Variants in ROBO2 observed in about 807,000 individuals in gnomAD.
The protein encoded by ROBO2 is roundabout guidance receptor 2.
Under a neutral mutation model 160.8 loss-of-function variants are expected in ROBO2, and 53 were observed. That is an observed-to-expected ratio of 0.33 (90% CI 0.26 to 0.41). ROBO2 has a LOEUF of 0.41. Among genes scored for constraint, ROBO2 ranks in the 10% least tolerant of loss-of-function variants. The probability of loss-of-function intolerance (pLI) is 1.00; values close to 1 mark genes in which losing one functional copy is unlikely to be tolerated. For missense variants in ROBO2, 1,577 were observed against 1,722.4 expected (o/e 0.92, Z 1.49); for synonymous variants, 664 against 611.7 (o/e 1.09, Z -1.26).
intron 2 of ROBO2, among the ~76,000 whole-genome samples, chr3:76,273,046 TTA>T (rs1314535603): frequency 4.0e-5 from 4 of 100,284 alleles, no homozygotes; most frequent in Non-Finnish European, 5.6e-5. Context: ...AAAATATATA[TTA>T]TATAAATATA....
At chr3:76,579,126 A>G (rs2085492539) in intron 2 of ROBO2, among the ~76,000 whole-genome samples, 1 of 152,116 alleles carries the variant, frequency 6.6e-6, no homozygotes, top group South Asian at 2.1e-4. Flanking sequence ...ATATTCTGCT[A>G]CTAACTCCCT....
intron 2 of ROBO2, among the ~76,000 whole-genome samples, chr3:76,181,408 T>C (rs1446454590): frequency 6.6e-6 from 1 of 152,130 alleles, no homozygotes; most frequent in African/African-American, 2.4e-5. Context: ...AATGAGTCGA[T>C]TCAGCAGATT....
chr3:77,008,348 T>C (rs566356162), intron 2 of ROBO2, among the ~76,000 whole-genome samples: 18 of 152,106 alleles, frequency 1.2e-4, no homozygotes, highest in South Asian at 4.1e-4. Flanking sequence ...AAAATGTTGG[T>C]TTTTTCTAAG....
At chr3:76,046,583 G>C (rs1348971737) in intron 2 of ROBO2, among the ~76,000 whole-genome samples, 2 of 151,944 alleles carry the variant, frequency 1.3e-5, no homozygotes, top group African/African-American at 4.9e-5. Context: ...GGGAGGCGGA[G>C]CTTGCAGTGA....
chr3:76,544,379 C>A (rs1205805399), intron 2 of ROBO2, among the ~76,000 whole-genome samples: 1 of 151,902 alleles, frequency 6.6e-6, no homozygotes, highest in African/African-American at 2.4e-5. Context: ...TTTTGAAAGT[C>A]AAAAATAATT....
chr3:77,631,994 A>G (rs2153713574), intron 23 of ROBO2: 1 of 152,264 alleles, frequency 6.6e-6, no homozygotes, highest in East Asian at 1.9e-4. Flanking sequence ...AAATTTTAAA[A>G]TCTTGAAATA....
At chr3:76,425,305 A>G (rs1011458298) in intron 2 of ROBO2, among the ~76,000 whole-genome samples, 1 of 152,096 alleles carries the variant, frequency 6.6e-6, no homozygotes, top group Non-Finnish European at 1.5e-5. Flanking sequence ...GGACCTGGAT[A>G]TACTAAAGTT....
chr3:77,494,274 T>A (rs929751267), intron 5 of ROBO2, among the ~76,000 whole-genome samples: 1 of 152,064 alleles, frequency 6.6e-6, no homozygotes, highest in Admixed American at 6.6e-5. Flanking sequence ...TAATTTTTCT[T>A]TTTTTTAAAA....
At chr3:77,593,205 T>C (rs2094218530) in intron 17 of ROBO2, among the ~76,000 whole-genome samples, 1 of 125,850 alleles carries the variant, frequency 7.9e-6, no homozygotes, top group South Asian at 2.7e-4. Context: ...AATCACTTGA[T>C]AGTCCATTAA....
chr3:76,535,353 A>G (rs1048296865), intron 2 of ROBO2, among the ~76,000 whole-genome samples: 2 of 152,116 alleles, frequency 1.3e-5, no homozygotes, highest in African/African-American at 2.4e-5. Flanking sequence ...CAGGCGAATG[A>G]TAACAGCTTT....
At position 76,890,822 on chromosome 3, in the gene ROBO2, T is replaced by TTTC. The variant is rs1243956060; in HGVS notation, c.110-207180_110-207178dup. On this transcript the variant is annotated intron_variant, in intron 2 of 26. Coordinates refer to the ROBO2 transcript ENST00000487694. Reference sequence around the variant, plus strand: ...GCCTTTCTACTGTTTGCTCCTCTTATTTCTTCTTCTTCTTGCCTGTTGCAC... The same window carrying TTTC: ...GCCTTTCTACTGTTTGCTCCTCTTATTTCTTCTTCTTCTTCTTGCCTGTTGCAC... Among the ~76,000 whole-genome samples the TTTC allele has an allele frequency of 2.0e-5, 3 of 152,188 alleles. No individual in the cohort carries two copies. In the East Asian group the frequency reaches 5.8e-4, roughly 29 times the overall value.
chr3:77,310,866 T>G (rs12630152), intron 2 of ROBO2, among the ~76,000 whole-genome samples: 14,565 of 147,716 alleles, frequency 0.099, 924 homozygotes, highest in East Asian at 0.34. Flanking sequence ...AAAAAAAAAA[T>G]AAAAGAACAG....
At chr3:76,199,247 C>G (rs1702405576) in intron 2 of ROBO2, among the ~76,000 whole-genome samples, 1 of 152,176 alleles carries the variant, frequency 6.6e-6, no homozygotes, top group South Asian at 2.1e-4. Flanking sequence ...AGAAAGCCAC[C>G]TTGGCTGGCT....
At chr3:76,893,584 G>T (rs1466668245) in intron 2 of ROBO2, among the ~76,000 whole-genome samples, 2 of 151,256 alleles carry the variant, frequency 1.3e-5, no homozygotes, top group Non-Finnish European at 2.9e-5. Context: ...GCAATATTTT[G>T]TTACATGCAT....
At chr3:76,590,882 C>T (rs541347847) in intron 2 of ROBO2, among the ~76,000 whole-genome samples, 2 of 152,202 alleles carry the variant, frequency 1.3e-5, no homozygotes, top group Admixed American at 6.5e-5. Context: ...TGGTATTATG[C>T]ACCTTCGTTT....
chr3:76,581,966 GAAGT>G (rs1398538806), intron 2 of ROBO2, among the ~76,000 whole-genome samples: 1 of 152,126 alleles, frequency 6.6e-6, no homozygotes, highest in African/African-American at 2.4e-5. Flanking sequence ...AGTATGGCCT[GAAGT>G]AGGCTGGTAG....
intron 2 of ROBO2, among the ~76,000 whole-genome samples, chr3:77,376,707 T>G (rs2072728982): frequency 6.6e-6 from 1 of 152,194 alleles, no homozygotes; most frequent in Admixed American, 6.5e-5. Flanking sequence ...CCTGCATATT[T>G]TAAGCATCTT....
chr3:76,282,209 C>A lies in ROBO2; in HGVS notation c.109+344607C>A, dbSNP rs534810519. On this transcript the variant is annotated intron_variant, in intron 2 of 26. Coordinates refer to the ROBO2 transcript ENST00000487694. ...AACTGTTTAGTTGGGGGTTTGTTCT[C>A]AAGAGTACAGCCCTACCTTTTCTGT... Among the ~76,000 whole-genome samples, 4 of 152,068 alleles carry A rather than the reference C, an allele frequency of 2.6e-5. No individual in the cohort carries two copies. In the South Asian group the frequency reaches 8.3e-4, roughly 32 times the overall value.
chr3:77,481,359 T>C (rs1053522359), intron 4 of ROBO2, 140 bp downstream of exon 4: 21 of 595,110 alleles, frequency 3.5e-5, no homozygotes, highest in Non-Finnish European at 5.3e-5. Context: ...AGAATTATCT[T>C]GTTTTCTGTC....
Sources: allele counts gnomAD v4.1 joint callset (sites outside exome capture counted in the v4.1 genomes callset), GRCh38; gene constraint gnomAD v4.1.1; transcripts MANE v1.5; gene names NCBI Gene and HGNC (gene_info 2026-07-23, HGNC 2026-07-21).